Variants in P2RY12 observed in about 807,000 individuals in gnomAD.
The protein encoded by P2RY12 is purinergic receptor P2Y12.
A neutral mutation model predicts 4.5 loss-of-function variants in P2RY12; 3 were observed. That is an observed-to-expected ratio of 0.67 (90% CI 0.31 to 1.74). P2RY12 has a LOEUF of 1.74. P2RY12 is among the 40% of genes most tolerant of loss of function. P2RY12 has a pLI of 0.09. For synonymous variants in P2RY12, 148 were observed against 154.1 expected, an observed-to-expected ratio of 0.96 and a Z score of 0.29; for missense variants, 356 against 407.8, an observed-to-expected ratio of 0.87 and a Z score of 1.09.
At chr3:151,368,257 C>T in intron 1 of P2RY12, 13 of 1,610,288 alleles carry the variant, frequency 8.1e-6, no homozygotes, top group Non-Finnish European at 1.1e-5. Context: ...AACGGGTGAG[C>T]TGACTGCAGA....
intron 1 of P2RY12, chr3:151,365,240 CAA>C (rs754165513): frequency 1.7e-5 from 27 of 1,552,696 alleles, no homozygotes; most frequent in Non-Finnish European, 2.4e-5. Context: ...CATGATTAAC[CAA>C]AGAGTTGTTG....
chr3:151,371,808 A>G (rs1577477540), intron 1 of P2RY12, among the ~76,000 whole-genome samples: 2 of 152,320 alleles, frequency 1.3e-5, no homozygotes, highest in African/African-American at 2.4e-5. Context: ...CTTTTAAAAT[A>G]TGATAGTTAT....
At chr3:151,378,294 A>G (rs1711579951) in intron 1 of P2RY12, 5 of 1,029,764 alleles carry the variant, frequency 4.9e-6, no homozygotes, top group Non-Finnish European at 6.7e-6. Flanking sequence ...TTTAAATGGA[A>G]CTGGGAATAT....
chr3:151,368,039 A>T, intron 1 of P2RY12: 1 of 963,122 alleles, frequency 1.0e-6, no homozygotes, highest in Non-Finnish European at 1.5e-6. Flanking sequence ...TTCTTACCAT[A>T]AGGAAAATTT....
chr3:151,381,320 G>A (rs897449919), intron 1 of P2RY12, among the ~76,000 whole-genome samples: 1 of 152,066 alleles, frequency 6.6e-6, no homozygotes, highest in African/African-American at 2.4e-5. Context: ...TCTAGATATA[G>A]CAATCATAGT....
intron 1 of P2RY12, chr3:151,350,240 T>C (rs202094443): frequency 2.9e-5 from 47 of 1,602,566 alleles, no homozygotes; most frequent in Non-Finnish European, 4.0e-5. Flanking sequence ...TCCCATTGTG[T>C]TGCCTTTTGC....
At chr3:151,350,907 T>C (rs1753154500) in intron 1 of P2RY12, among the ~76,000 whole-genome samples, 1 of 152,226 alleles carries the variant, frequency 6.6e-6, no homozygotes, top group African/African-American at 2.4e-5. Context: ...TGCCTAATTA[T>C]TCTTTTCAAG....
chr3:151,355,173 A>C (rs778652021), intron 1 of P2RY12: 20 of 1,613,930 alleles, frequency 1.2e-5, no homozygotes, highest in South Asian at 3.3e-5. Flanking sequence ...CATTTCCAAC[A>C]CTGGAGACTG....
At chr3:151,366,007 C>G (rs770066404) in intron 1 of P2RY12, 2 of 1,528,896 alleles carry the variant, frequency 1.3e-6, no homozygotes, top group Non-Finnish European at 1.8e-6. Context: ...TTTTCTTTTT[C>G]ATTTAAAAAT....
chr3:151,359,348 C>G (rs1560073997), intron 1 of P2RY12, among the ~76,000 whole-genome samples: 1 of 152,084 alleles, frequency 6.6e-6, no homozygotes, highest in Admixed American at 6.6e-5. Context: ...TTGTGTGACA[C>G]TTTTGTTCTA....
intron 1 of P2RY12, among the ~76,000 whole-genome samples, chr3:151,341,185 A>G (rs1410366465): frequency 1.3e-5 from 2 of 152,250 alleles, no homozygotes; most frequent in East Asian, 3.9e-4. Flanking sequence ...CGTGCTGGCT[A>G]GGGATGTTAA....
At chr3:151,367,813 G>A (rs375820570) in intron 1 of P2RY12, 1 of 1,568,656 alleles carries the variant, frequency 6.4e-7, no homozygotes, top group African/African-American at 1.4e-5. Flanking sequence ...TTGTTGTCTT[G>A]ATGGAGTGGT....
intron 1 of P2RY12, chr3:151,383,912 G>T: frequency 1.3e-6 from 2 of 1,590,424 alleles, no homozygotes; most frequent in South Asian, 2.2e-5. Context: ...ACTTCACATT[G>T]ATTTTGCTAC....
chr3:151,380,114 A>T, intron 1 of P2RY12: 1 of 1,567,910 alleles, frequency 6.4e-7, no homozygotes, highest in Non-Finnish European at 8.7e-7. Flanking sequence ...CCTTTGTAGT[A>T]TGTCTCTTTT....
intron 1 of P2RY12, chr3:151,383,789 T>C: frequency 6.2e-7 from 1 of 1,610,544 alleles, no homozygotes; most frequent in Non-Finnish European, 8.5e-7. Flanking sequence ...GTAGGAGGAA[T>C]GTTTGACACG....
intron 1 of P2RY12, chr3:151,369,492 C>T (rs746538005): frequency 6.2e-7 from 1 of 1,612,226 alleles, no homozygotes; most frequent in South Asian, 1.1e-5. Flanking sequence ...AGCCGCTGCT[C>T]ACAACAGCAT....
At chr3:151,379,462 CAG>C (rs1711842754) in intron 1 of P2RY12, among the ~76,000 whole-genome samples, 1 of 152,176 alleles carries the variant, frequency 6.6e-6, no homozygotes, top group African/African-American at 2.4e-5. Context: ...CAATTTAAAA[CAG>C]AATTTTTAAC....
chr3:151,353,560 A>G (rs1753512971), intron 1 of P2RY12, among the ~76,000 whole-genome samples: 2 of 152,254 alleles, frequency 1.3e-5, no homozygotes, highest in African/African-American at 4.8e-5. Context: ...TTGTTAGGGA[A>G]TTAGAAAAGA....
intron 1 of P2RY12, among the ~76,000 whole-genome samples, chr3:151,348,357 A>AAAAAAAG (rs1484600243): frequency 1.4e-5 from 1 of 70,294 alleles, no homozygotes; most frequent in African/African-American, 3.6e-5. Context: ...AAAAAAAAAA[A>AAAAAAAG]AAAAAAGAAA....
Sources: allele counts gnomAD v4.1 joint callset (sites outside exome capture counted in the v4.1 genomes callset), GRCh38; gene constraint gnomAD v4.1.1; transcripts MANE v1.5; gene names NCBI Gene and HGNC (gene_info 2026-07-23, HGNC 2026-07-21).